The following PRSS33 variants were observed in gnomAD, a reference collection of about 807,000 sequenced individuals.
The protein encoded by PRSS33 is serine protease 33.
Under a neutral mutation model 26.7 loss-of-function variants are expected in PRSS33, and 32 were observed. That is an observed-to-expected ratio of 1.20 (90% CI 0.90 to 1.61). The LOEUF (loss-of-function observed/expected upper bound fraction) is 1.61, where lower values mean the gene tolerates loss of function less well. Ranked by LOEUF, PRSS33 falls within the 40% of genes most tolerant of loss-of-function variation. The pLI is 0.00. For synonymous variants in PRSS33, 192 were observed against 177.6 expected (o/e 1.08, Z -0.64); for missense variants, 450 against 396.3 (o/e 1.14, Z -1.15).
chr16:2,787,576 C>T (rs2068892832), upstream of PRSS33, among the ~76,000 whole-genome samples: 1 of 148,708 alleles, frequency 6.7e-6, no homozygotes, highest in African/African-American at 2.5e-5. Flanking sequence ...TGAGGGAGGG[C>T]CTGGGGGCTT....
rs756505823 is a variant in PRSS33 at position 2,785,473 on chromosome 16, C to G, written c.416G>C (p.Ser139Thr). 1 of 1,516,604 alleles carries G rather than the reference C, an allele frequency of 6.6e-7. No individual in the cohort carries two copies. Among genetic ancestry groups the G allele is most frequent in the Non-Finnish European group, 8.8e-7 (1 of 1,140,518 alleles). 93.9% of individuals were successfully genotyped at this position (1,516,604 alleles called of 1,614,324 possible). A position where few individuals can be genotyped will look rare whatever the true frequency, so the allele number is the denominator to read the frequency against. Residue 139 changes from serine (S) to threonine (T), a missense_variant, in exon 5 of 7, where the codon AGC (serine) becomes ACC (threonine). Transcript: ENST00000682474. ...CAGGCAGACGGGTTGGACGCGAGCG[C>G]TCAGGGGCACCGGGCGACGCAGCTG... ...LLQLRRPVPL[S>T]ARVQPVCLPV...
At chr16:2,787,604 CG>C (rs2068893177), upstream of PRSS33, among the ~76,000 whole-genome samples, 1 of 150,064 alleles carries the variant, frequency 6.7e-6, no homozygotes, top group African/African-American at 2.5e-5. Flanking sequence ...CAGGAGAGCG[CG>C]AGGCTCAGCC....
upstream of PRSS33, among the ~76,000 whole-genome samples, chr16:2,787,657 C>T (rs983906414): frequency 1.5e-4 from 22 of 151,410 alleles, no homozygotes; most frequent in Non-Finnish European, 2.7e-4. Context: ...GTGGCTTTAC[C>T]GGACCAGCCT....
Position 2,785,791 on chromosome 16 carries a change from G to C in PRSS33, c.242+8C>G, listed in dbSNP as rs1039590644. 1 of 1,588,344 alleles carries C rather than the reference G, an allele frequency of 6.3e-7. No homozygotes were observed. Among genetic ancestry groups the C allele is most frequent in the African/African-American group, 1.3e-5 (1 of 74,404 alleles). ...CACACCCCGCCTGGGCCCTCGGTGA[G>C]CGCTGACCTGGGGAAGCAGTGCGCC... On this transcript the variant is annotated splice_region_variant and intron_variant, in intron 4 of 6. Coordinates refer to ENST00000682474, the MANE Select transcript of PRSS33 (RefSeq NM_152891.3).
In PRSS33 at chr16:2,785,038, A is replaced by T. The variant is rs774153655; in HGVS notation, c.648T>A (p.Cys216Ter). The T allele has an allele frequency of 2.5e-5, 39 of 1,591,050 alleles. 2 individuals are homozygous for T. In the South Asian group the frequency reaches 4.0e-4, roughly 16 times the overall value. ...CCTTGTGGCCCTGGGGGTAGCCGGC[A>T]CACAGACTCCCAGGCAGCACAATGC... ...AERIVLPGSL[C>*]AGYPQGHKDA... The change falls in exon 6 of 7, where the codon TGT becomes TGA. Residue 216 changes from cysteine to a stop codon, truncating the protein, a stop_gained. Transcript: ENST00000682474. LOFTEE classifies it low-confidence loss of function (END_TRUNC).
rs1441987695 is a variant in PRSS33 at position 2,785,655 on chromosome 16, C to G, written c.243-9G>C. ...CAGCTGGCAGTGCCCTCCTGCAGGA[C>G]AGGAGCGGGGGACTACTTCCAGCAC... On this transcript the variant is annotated splice_polypyrimidine_tract_variant and intron_variant, in intron 4 of 6. Coordinates refer to ENST00000682474, the MANE Select transcript of PRSS33 (RefSeq NM_152891.3). 3 of 1,480,392 alleles carry G rather than the reference C, an allele frequency of 2.0e-6. No individual in the cohort carries two copies. The African/African-American group carries it at 4.2e-5, about 21-fold the overall frequency. The allele number at this position is 1,480,392 out of a possible 1,614,324, so 91.7% of individuals were successfully genotyped here.
At chr16:2,784,881 C>G in intron 6 of PRSS33, 79 bp from the exon 7 acceptor site, 1 of 1,529,450 alleles carries the variant, frequency 6.5e-7, no homozygotes, top group Non-Finnish European at 8.9e-7. Context: ...GGCGTGGTGC[C>G]TCTAGGTTGG....
At position 2,784,569 on chromosome 16, in the gene PRSS33, T is replaced by C; in HGVS notation, c.*75A>G. The stretch of plus-strand genomic sequence containing the variant: ...CTCGAGGCAGAAGGGATGTGGGGTA[T>C]AGGCAGGTGCCTGGATGAACCAGGA... On this transcript the variant is annotated 3_prime_UTR_variant, in exon 7 of 7. Coordinates refer to ENST00000682474, the MANE Select transcript of PRSS33 (RefSeq NM_152891.3). The C allele has an allele frequency of 2.1e-6, 3 of 1,428,776 alleles. No individual in the cohort carries two copies. The highest frequency in any genetic ancestry group is 2.8e-6 in the Non-Finnish European group (3 of 1,062,652). The allele number at this position is 1,428,776 out of a possible 1,614,324, so 88.5% of individuals were successfully genotyped here. A position where few individuals can be genotyped will look rare whatever the true frequency, so the allele number is the denominator to read the frequency against.
At chr16:2,785,693 C>G in intron 4 of PRSS33, 47 bp from the exon 5 acceptor site, 7 of 1,464,888 alleles carry the variant, frequency 4.8e-6, no homozygotes, top group Non-Finnish European at 6.3e-6. Flanking sequence ...GGTCCTCGAC[C>G]CCCTCCAGCC....
chr16:2,786,741 C>A, intron 1 of PRSS33, 137 bp from the exon 2 acceptor site: 1 of 609,942 alleles, frequency 1.6e-6, no homozygotes, highest in South Asian at 2.0e-5. Context: ...GTGGCCCAGG[C>A]TGTATACCCT....
chr16:2,785,903 T>C lies in PRSS33; in HGVS notation c.138A>G (p.Gly46=). ...RIVGGRDGRD[G]EWPWQASIQH... is the part of the protein sequence containing the mutation. ...GGATGCTCGCCTGCCACGGCCACTC[T>C]CCGTCCCGGCCATCCCGGCCCCCAA... is the stretch of plus-strand genomic sequence containing the variant. Residue 46 remains glycine (G), a synonymous_variant, in exon 4 of 7, where the codon GGA becomes GGG. Coordinates refer to ENST00000682474, the MANE Select transcript of PRSS33 (RefSeq NM_152891.3). The C allele has an allele frequency of 6.2e-7, 1 of 1,611,564 alleles. No individual in the cohort carries two copies. The highest frequency in any genetic ancestry group is 8.5e-7 in the Non-Finnish European group (1 of 1,179,520).
rs781730827 is a variant in PRSS33, at chr16:2,785,115, G to T, written c.571C>A (p.Arg191Ser). ...QGVRVPLLDS[R>S]TCDGLYHVGA... is the part of the protein sequence containing the mutation. The stretch of plus-strand genomic sequence containing the variant: ...ACGTGGTAGAGGCCGTCGCAGGTGC[G>T]CGAGTCCAGCAGCGGCACCCTTACT... The change falls in exon 6 of 7, where the codon CGC becomes AGC. Residue 191 changes from arginine (R) to serine (S), a missense_variant. Physicochemically the swap from Arg to Ser is moderately radical, Grantham distance 110 (BLOSUM62 -1). Coordinates refer to ENST00000682474, the MANE Select transcript of PRSS33 (RefSeq NM_152891.3). 1 of 1,547,682 alleles carries T rather than the reference G, an allele frequency of 6.5e-7. No homozygotes were observed. Among genetic ancestry groups the T allele is most frequent in the Non-Finnish European group, 8.7e-7 (1 of 1,148,938 alleles).
rs1326402412 is a variant in PRSS33, at chr16:2,785,623, C to T, written c.266G>A (p.Arg89His). The change falls in exon 5 of 7, where the codon CGC becomes CAC. Residue 89 changes from arginine to histidine, a missense_variant. Transcript: ENST00000682474. Reference sequence around the variant, plus strand: ...CAGACGCAGCGCCCCCAGGCGCACGCGGTACTCAGCTGGCAGTGCCCTCCT... The same window carrying T: ...CAGACGCAGCGCCCCCAGGCGCACGTGGTACTCAGCTGGCAGTGCCCTCCT... ...FPRRALPAEY[R>H]VRLGALRLGS... The T allele has an allele frequency of 6.7e-7, 1 of 1,499,402 alleles. No individual in the cohort carries two copies. Among genetic ancestry groups the T allele is most frequent in the Non-Finnish European group, 8.8e-7 (1 of 1,131,874 alleles). The allele number at this position is 1,499,402 out of a possible 1,614,324, so 92.9% of individuals were successfully genotyped here. A position where few individuals can be genotyped will look rare whatever the true frequency, so the allele number is the denominator to read the frequency against.
In PRSS33 at chr16:2,785,419, C is replaced by G. The variant is rs2068861509; in HGVS notation, c.470G>C (p.Gly157Ala). Residue 157 changes from glycine (G) to alanine (A), a missense_variant, in exon 5 of 7, where the codon GGC (glycine) becomes GCC (alanine). Coordinates refer to ENST00000682474, the MANE Select transcript of PRSS33 (RefSeq NM_152891.3). Reference sequence around the variant, plus strand: ...CCAGCCGGTGACCCGGCATGGTGTGCCGGGCGGCGGGCGGGCGCCGGGCAC... The same window carrying G: ...CCAGCCGGTGACCCGGCATGGTGTGGCGGGCGGCGGGCGGGCGCCGGGCAC... ...LPVPGARPPP[G>A]TPCRVTGWGS... The G allele has an allele frequency of 1.4e-6, 2 of 1,451,896 alleles. No individual in the cohort carries two copies. The highest frequency in any genetic ancestry group is 2.8e-5 in the Admixed American group (1 of 35,678). The allele number at this position is 1,451,896 out of a possible 1,614,324, so 89.9% of individuals were successfully genotyped here.
chr16:2,784,524 G>T lies in PRSS33; in HGVS notation c.*120C>A. On this transcript the variant is annotated 3_prime_UTR_variant, in exon 7 of 7. Transcript: ENST00000682474. ...TGGGTGGGGGGTGGGGTGGCCTTTAGCTTTTTTAGGCATCTTGGCCTCGAG... is the reference window on the plus strand; with the variant it reads ...TGGGTGGGGGGTGGGGTGGCCTTTATCTTTTTTAGGCATCTTGGCCTCGAG... 9.8e-7 allele frequency: 1 copy of T among 1,015,434 alleles called. No homozygotes were observed. The highest frequency in any genetic ancestry group is 1.4e-6 in the Non-Finnish European group (1 of 710,550). The allele number at this position is 1,015,434 out of a possible 1,614,324, so 62.9% of individuals were successfully genotyped here. A position where few individuals can be genotyped will look rare whatever the true frequency, so the allele number is the denominator to read the frequency against.
intron 3 of PRSS33, 43 bp from the exon 4 acceptor site, chr16:2,786,004 G>T: frequency 1.9e-6 from 3 of 1,613,034 alleles, no homozygotes; most frequent in Admixed American, 3.3e-5. Flanking sequence ...TGAGGACCTG[G>T]GGCCTGGGAG....
In PRSS33 at chr16:2,784,629, C is replaced by T; in HGVS notation, c.*15G>A. ...ACCCCAGCAGCTGGCTCCAGGTCAGCCTCACCGGCTAGCATTAGAAGCTGA... is the reference window on the plus strand; with the variant it reads ...ACCCCAGCAGCTGGCTCCAGGTCAGTCTCACCGGCTAGCATTAGAAGCTGA... On this transcript the variant is annotated 3_prime_UTR_variant, in exon 7 of 7. Transcript: ENST00000682474. 6.4e-7 allele frequency: 1 copy of T among 1,569,520 alleles called. No homozygotes were observed. Among genetic ancestry groups the T allele is most frequent in the South Asian group, 1.2e-5 (1 of 85,630 alleles).
Position 2,785,028 on chromosome 16 carries a change from G to C in PRSS33, c.658C>G (p.Pro220Ala). The C allele has an allele frequency of 6.3e-7, 1 of 1,594,220 alleles. No individual in the cohort carries two copies. Among genetic ancestry groups the C allele is most frequent in the Non-Finnish European group, 8.5e-7 (1 of 1,172,946 alleles). Residue 220 changes from proline (P) to alanine (A), a missense_variant, in exon 6 of 7, where the codon CCC becomes GCC. Physicochemically the swap from Pro to Ala is conservative, Grantham distance 27 (BLOSUM62 -1). Coordinates refer to ENST00000682474, the MANE Select transcript of PRSS33 (RefSeq NM_152891.3). ...VLPGSLCAGYPQGHKDACQGD... is the reference protein window; with the variant it reads ...VLPGSLCAGYAQGHKDACQGD... The stretch of plus-strand genomic sequence containing the variant: ...TGGCAGGCGTCCTTGTGGCCCTGGG[G>C]GTAGCCGGCACACAGACTCCCAGGC...
At chr16:2,785,320 TG>T in intron 5 of PRSS33, 54 bp downstream of exon 5, 1 of 1,461,494 alleles carries the variant, frequency 6.8e-7, no homozygotes, top group Non-Finnish European at 9.0e-7. Flanking sequence ...TCCAGTCAGA[TG>T]GAGGAGGACG....
Sources: allele counts gnomAD v4.1 joint callset (sites outside exome capture counted in the v4.1 genomes callset), GRCh38; gene constraint gnomAD v4.1.1; transcripts MANE v1.5; gene names NCBI Gene and HGNC (gene_info 2026-07-23, HGNC 2026-07-21).